MTO1: variants seen among roughly 807,000 people sequenced by gnomAD.
The protein encoded by MTO1 is mitochondrial tRNA translation optimization 1, also known as 5-taurinomethyluridine-[tRNA] synthase subunit MTO1, mitochondrial.
Under a neutral mutation model 71.6 loss-of-function variants are expected in MTO1, and 46 were observed. The ratio of observed to expected loss-of-function variants is 0.64; its 90% CI spans 0.51 to 0.82. The LOEUF (loss-of-function observed/expected upper bound fraction) is 0.82, where lower values mean the gene tolerates loss of function less well. Among genes scored for constraint, MTO1 ranks in the 40% least tolerant of loss-of-function variants. The pLI, the probability that MTO1 is intolerant of heterozygous loss-of-function variation, is 0.00. For missense variants in MTO1, 773 were observed against 867.5 expected (o/e 0.89, Z 1.37); for synonymous variants, 297 against 312.1 (o/e 0.95, Z 0.51).
chr6:73,484,747 A>C (rs1377598513), intron 9 of MTO1, among the ~76,000 whole-genome samples: 1 of 152,086 alleles, frequency 6.6e-6, no homozygotes, highest in Non-Finnish European at 1.5e-5. Context: ...CATTATTTCA[A>C]AAGTTGGACA....
intron 1 of MTO1, among the ~76,000 whole-genome samples, chr6:73,462,543 A>G (rs904292320): frequency 6.6e-6 from 1 of 152,108 alleles, no homozygotes; most frequent in Non-Finnish European, 1.5e-5. Flanking sequence ...AGCTTGGCCA[A>G]CACGGCGAAA....
intron 3 of MTO1, 87 bp from the exon 4 acceptor site, chr6:73,473,278 A>T: frequency 8.8e-7 from 1 of 1,135,340 alleles, no homozygotes; most frequent in Non-Finnish European, 1.2e-6. Context: ...ACTTCATCTC[A>T]GATAGATAGA....
At chr6:73,468,248 G>A (rs1771055756) in intron 3 of MTO1, among the ~76,000 whole-genome samples, 1 of 151,882 alleles carries the variant, frequency 6.6e-6, no homozygotes, top group Non-Finnish European at 1.5e-5. Flanking sequence ...CTCCCAAGTA[G>A]CTGGGGTTAC....
chr6:73,466,281 A>G lies in MTO1; in HGVS notation c.290A>G (p.Asp97Gly), dbSNP rs1230036324. The change falls in exon 2 of 12, where the codon GAT becomes GGT. Residue 97 changes from aspartate to glycine, a missense_variant. Asp to Gly is a moderately conservative substitution (Grantham distance 94, BLOSUM62 -1). Coordinates refer to ENST00000498286, the MANE Select transcript of MTO1 (RefSeq NM_012123.4). ...GHLMREVDAL[D>G]GLCSRICDQS... ...TTAATGAGGGAAGTAGATGCCTTGG[A>G]TGGCCTGTGTTCTCGCATCTGTGAC... is the stretch of plus-strand genomic sequence containing the variant. The G allele has an allele frequency of 6.2e-7, 1 of 1,613,968 alleles. No individual in the cohort carries two copies. Among genetic ancestry groups the G allele is most frequent in the Non-Finnish European group, 8.5e-7 (1 of 1,179,978 alleles).
intron 3 of MTO1, 41 bp downstream of exon 3, chr6:73,466,647 A>G: frequency 6.6e-7 from 1 of 1,524,776 alleles, no homozygotes; most frequent in South Asian, 1.1e-5. Flanking sequence ...ACAGCATATC[A>G]AATTCCATGT....
At chr6:73,476,072 T>G (rs1771308741) in intron 4 of MTO1, among the ~76,000 whole-genome samples, 1 of 152,040 alleles carries the variant, frequency 6.6e-6, no homozygotes, top group Non-Finnish European at 1.5e-5. Context: ...CTATTGAAAG[T>G]TAACCCTCAG....
chr6:73,500,902 A>G lies in MTO1; in HGVS notation c.*167A>G. ...AAATTATAATTGTGCTTTTTCGTGT[A>G]TATGAAAAAACTAGTCGTAAACAAT... On this transcript the variant is annotated 3_prime_UTR_variant, in exon 12 of 12. Transcript: ENST00000498286. 3.8e-6 allele frequency: 2 copies of G among 525,644 alleles called. No homozygotes were observed. The highest frequency in any genetic ancestry group is 6.0e-6 in the Non-Finnish European group (2 of 334,822). 32.6% of individuals were successfully genotyped at this position (525,644 alleles called of 1,614,324 possible). A position where few individuals can be genotyped will look rare whatever the true frequency, so the allele number is the denominator to read the frequency against.
At chr6:73,492,202 C>T (rs1689916630) in intron 9 of MTO1, 32 bp from the exon 10 acceptor site, 2 of 1,371,598 alleles carry the variant, frequency 1.5e-6, no homozygotes, top group Admixed American at 1.7e-5. Flanking sequence ...GACATGGATC[C>T]TTATGTTAAT....
At chr6:73,481,775 A>G (rs1241370997) in intron 7 of MTO1, among the ~76,000 whole-genome samples, 1 of 152,114 alleles carries the variant, frequency 6.6e-6, no homozygotes, top group Non-Finnish European at 1.5e-5. Context: ...CTCCGGATAA[A>G]AAAAAGATTA....
Position 73,479,932 on chromosome 6 carries a change from C to T in MTO1, c.939-4C>T. ...TTCAAGTTTATTTAAATGTTCTATT[C>T]TAGATACTGTCCCTCCATTGAATCA... On this transcript the variant is annotated splice_polypyrimidine_tract_variant and splice_region_variant and intron_variant, in intron 5 of 11. Coordinates refer to ENST00000498286, the MANE Select transcript of MTO1 (RefSeq NM_012123.4). 1 of 1,611,422 alleles carries T rather than the reference C, an allele frequency of 6.2e-7. No homozygotes were observed. The highest frequency in any genetic ancestry group is 1.1e-5 in the South Asian group (1 of 90,730).
chr6:73,480,854 T>C, intron 7 of MTO1, 49 bp downstream of exon 7: 3 of 1,583,354 alleles, frequency 1.9e-6, no homozygotes, highest in Non-Finnish European at 2.6e-6. Flanking sequence ...ATTTAACTGG[T>C]ATTTCTCCTT....
At chr6:73,464,569 CG>C (rs1770920260) in intron 1 of MTO1, among the ~76,000 whole-genome samples, 2 of 150,722 alleles carry the variant, frequency 1.3e-5, no homozygotes, top group Admixed American at 1.3e-4. Flanking sequence ...CACCTGATGT[CG>C]GAAGTTCGAG....
intron 11 of MTO1, among the ~76,000 whole-genome samples, chr6:73,498,564 A>G (rs182887047): frequency 6.6e-6 from 1 of 151,950 alleles, no homozygotes; most frequent in East Asian, 1.9e-4. Context: ...GCTTCAGACT[A>G]ATTGTGAGAG....
chr6:73,487,224 G>A (rs1052342046), intron 9 of MTO1, among the ~76,000 whole-genome samples: 4 of 128,138 alleles, frequency 3.1e-5, no homozygotes, highest in Non-Finnish European at 4.7e-5. Context: ...TTTTGAGACC[G>A]TCTCACTCTG....
chr6:73,481,098 C>T (rs1334502960), intron 7 of MTO1: 2 of 362,836 alleles, frequency 5.5e-6, no homozygotes, highest in Admixed American at 4.3e-5. Flanking sequence ...GGACTGCAGG[C>T]ATGCACCACA....
chr6:73,485,271 A>G (rs1302829540), intron 9 of MTO1, among the ~76,000 whole-genome samples: 1 of 152,144 alleles, frequency 6.6e-6, no homozygotes, highest in African/African-American at 2.4e-5. Flanking sequence ...TACCATAACA[A>G]TCCCAGGAGT....
In MTO1 at chr6:73,462,016, C is replaced by T; in HGVS notation, c.162C>T (p.Ala54=). Residue 54 remains alanine, a synonymous_variant, in exon 1 of 12, where the codon GCC becomes GCT. Transcript: ENST00000498286. ...GGHAGTEAAT[A]AARCGSRTLL... ...ATGCCGGGACTGAGGCAGCCACCGC[C>T]GCCGCTCGGTGCGGCTCTCGGACTC... 1 of 1,614,068 alleles carries T rather than the reference C, an allele frequency of 6.2e-7. No homozygotes were observed. The highest frequency in any genetic ancestry group is 8.5e-7 in the Non-Finnish European group (1 of 1,179,998).
intron 11 of MTO1, among the ~76,000 whole-genome samples, chr6:73,499,535 AG>A: frequency 6.6e-6 from 1 of 151,610 alleles, no homozygotes; most frequent in African/African-American, 2.4e-5. Context: ...AAAAAAAAAA[AG>A]AAAAAAATTA....
Position 73,470,202 on chromosome 6 carries a change from A to AT in MTO1, c.536-3157dup, listed in dbSNP as rs200843335. Among the ~76,000 whole-genome samples, 423 of 150,898 alleles carry AT rather than the reference A, an allele frequency of 2.8e-3. 11 individuals carry two copies. The East Asian group carries it at 0.074, about 27-fold the overall frequency. ...TTATTTTATTTATTTATTTATTTTT[A>AT]TTTTTTCTTTTTATTTATTTTTGAG... is the stretch of plus-strand genomic sequence containing the variant. On this transcript the variant is annotated intron_variant, in intron 3 of 11. Transcript: ENST00000498286.
Sources: allele counts gnomAD v4.1 joint callset (sites outside exome capture counted in the v4.1 genomes callset), GRCh38; gene constraint gnomAD v4.1.1; transcripts MANE v1.5; gene names NCBI Gene and HGNC (gene_info 2026-07-23, HGNC 2026-07-21).